The following FREM1 variants were observed in gnomAD, a reference collection of about 807,000 sequenced individuals.
The protein encoded by FREM1 is FRAS1 related extracellular matrix 1, also known as FRAS1-related extracellular matrix protein 1.
A neutral mutation model predicts 210.1 loss-of-function variants in FREM1; 220 were observed. The observed-to-expected ratio is 1.05, with a 90% CI of 0.94 to 1.17. The LOEUF (loss-of-function observed/expected upper bound fraction) is 1.17. Ranked by LOEUF, FREM1 falls within the 50% of genes most tolerant of loss-of-function variation. The pLI, the probability that FREM1 is intolerant of heterozygous loss-of-function variation, is 0.00. For missense variants in FREM1, 3,454 were observed against 2,675.5 expected, an observed-to-expected ratio of 1.29 and a Z score of -6.42; for synonymous variants, 1,189 against 980.2, an observed-to-expected ratio of 1.21 and a Z score of -3.98.
In FREM1 at chr9:14,859,500, G is replaced by A. The variant is rs1378085713; in HGVS notation, c.330-16C>T. On this transcript the variant is annotated splice_polypyrimidine_tract_variant and intron_variant, in intron 3 of 36. Coordinates refer to ENST00000380880, the MANE Select transcript of FREM1 (RefSeq NM_001379081.2). The stretch of plus-strand genomic sequence containing the variant: ...TTCAGTAAATCTGTGGAGAACACAG[G>A]GCAAAAGCAATATTAATTGGTGCTC... The A allele has an allele frequency of 6.9e-6, 11 of 1,596,554 alleles. No individual in the cohort carries two copies. In the East Asian group the frequency reaches 2.2e-4, roughly 32 times the overall value.
chr9:14,768,488 T>C (rs1431304036), intron 27 of FREM1, among the ~76,000 whole-genome samples: 1 of 152,062 alleles, frequency 6.6e-6, no homozygotes, highest in East Asian at 1.9e-4. Context: ...AATCTCGAGA[T>C]TACATTTTAA....
At chr9:14,768,987 A>G (rs1847016839) in intron 27 of FREM1, among the ~76,000 whole-genome samples, 1 of 152,174 alleles carries the variant, frequency 6.6e-6, no homozygotes, top group Non-Finnish European at 1.5e-5. Context: ...AAAACAGCAC[A>G]GTACCAGAAT....
chr9:14,870,979 T>G (rs542773515), intron 1 of FREM1, among the ~76,000 whole-genome samples: 1 of 152,060 alleles, frequency 6.6e-6, no homozygotes, highest in Non-Finnish European at 1.5e-5. Flanking sequence ...ACAAAGGACA[T>G]GAACTCATCA....
chr9:14,839,619 A>G (rs1420920056), intron 10 of FREM1, among the ~76,000 whole-genome samples: 1 of 152,242 alleles, frequency 6.6e-6, no homozygotes, highest in Non-Finnish European at 1.5e-5. Flanking sequence ...TAGTTTGACC[A>G]ATTTGCCCAG....
intron 29 of FREM1, among the ~76,000 whole-genome samples, chr9:14,755,177 C>T (rs930801735): frequency 1.3e-5 from 2 of 152,192 alleles, no homozygotes; most frequent in Non-Finnish European, 2.9e-5. Flanking sequence ...CTGTTTCAAG[C>T]TACCCACTGT....
At chr9:14,854,327 T>A (rs1298451855) in intron 5 of FREM1, among the ~76,000 whole-genome samples, 1 of 152,140 alleles carries the variant, frequency 6.6e-6, no homozygotes, top group African/African-American at 2.4e-5. Flanking sequence ...AAGTTTATAT[T>A]TCCTTATTCA....
At chr9:14,878,311 C>G (rs1456983729) in intron 1 of FREM1, among the ~76,000 whole-genome samples, 2 of 152,104 alleles carry the variant, frequency 1.3e-5, no homozygotes, top group Admixed American at 6.6e-5. Context: ...TCAAACAAAT[C>G]AAGATCCATT....
intron 2 of FREM1, 121 bp from the exon 3 acceptor site, chr9:14,864,024 A>AGT: frequency 1.5e-6 from 1 of 666,922 alleles, no homozygotes. Flanking sequence ...TATGTGTGTG[A>AGT]GTGTGTGTGT....
intron 1 of FREM1, among the ~76,000 whole-genome samples, chr9:14,878,116 T>G (rs752800290): frequency 6.6e-6 from 1 of 152,196 alleles, no homozygotes; most frequent in Non-Finnish European, 1.5e-5. Flanking sequence ...TAAATGTTAC[T>G]TATACCATGT....
chr9:14,740,793 G>T (rs891098687), intron 35 of FREM1, among the ~76,000 whole-genome samples: 1 of 152,172 alleles, frequency 6.6e-6, no homozygotes, highest in African/African-American at 2.4e-5. Context: ...AGAAATTAAA[G>T]TGCTTGTTTT....
intron 27 of FREM1, among the ~76,000 whole-genome samples, chr9:14,761,836 T>C (rs1845551346): frequency 6.6e-6 from 1 of 152,214 alleles, no homozygotes; most frequent in Non-Finnish European, 1.5e-5. Flanking sequence ...TCACAGTGCT[T>C]GTGTTCAAGT....
At chr9:14,844,478 G>C (rs1826248977) in intron 8 of FREM1, among the ~76,000 whole-genome samples, 1 of 152,136 alleles carries the variant, frequency 6.6e-6, no homozygotes, top group Non-Finnish European at 1.5e-5. Context: ...GCCGGTCTCG[G>C]CCTCCCAAAG....
At chr9:14,894,492 A>G (rs748505577) in intron 1 of FREM1, among the ~76,000 whole-genome samples, 1 of 152,240 alleles carries the variant, frequency 6.6e-6, no homozygotes, top group Admixed American at 6.5e-5. Flanking sequence ...CAATTGTCAC[A>G]TTAGAATAGA....
chr9:14,750,553 G>C (rs763048700), intron 29 of FREM1, among the ~76,000 whole-genome samples: 2 of 152,120 alleles, frequency 1.3e-5, no homozygotes, highest in Non-Finnish European at 1.5e-5. Context: ...TATTAGATGA[G>C]ATCCAAGACT....
intron 19 of FREM1, among the ~76,000 whole-genome samples, chr9:14,804,702 T>A (rs1162630407): frequency 1.3e-5 from 2 of 152,152 alleles, no homozygotes; most frequent in Non-Finnish European, 2.9e-5. Context: ...TGGAGGTAGG[T>A]ATCGATGGAA....
intron 1 of FREM1, among the ~76,000 whole-genome samples, chr9:14,899,481 A>G (rs1429046555): frequency 4.6e-5 from 7 of 152,234 alleles, no homozygotes; most frequent in Non-Finnish European, 1.0e-4. Context: ...CTCCATAAAC[A>G]TCACAGGCTG....
At chr9:14,872,166 C>T (rs1338433611) in intron 1 of FREM1, among the ~76,000 whole-genome samples, 1 of 152,082 alleles carries the variant, frequency 6.6e-6, no homozygotes, top group African/African-American at 2.4e-5. Flanking sequence ...TTTTTGGTTC[C>T]ATATGAACTT....
At position 14,842,393 on chromosome 9, in the gene FREM1, T is replaced by G. The variant is rs1350079409; in HGVS notation, c.1661A>C (p.Asp554Ala). The change falls in exon 9 of 37, where the codon GAT becomes GCT. Residue 554 changes from aspartate (D) to alanine (A), a missense_variant. Coordinates refer to ENST00000380880, the MANE Select transcript of FREM1 (RefSeq NM_001379081.2). Reference protein sequence around the residue: ...MLRASDVDASDDYIFFNITKP... With the variant: ...MLRASDVDASADYIFFNITKP... ...TGTGATATTGAAGAAGATGTAGTCA[T>G]CACTGGCGTCCACATCTGAAGCTCG... 1 of 1,613,610 alleles carries G rather than the reference T, an allele frequency of 6.2e-7. No homozygotes were observed. The highest frequency in any genetic ancestry group is 1.7e-5 in the Admixed American group (1 of 60,024).
chr9:14,765,664 G>A (rs917171249), intron 27 of FREM1, among the ~76,000 whole-genome samples: 2 of 152,106 alleles, frequency 1.3e-5, no homozygotes, highest in African/African-American at 4.8e-5. Context: ...GCTAAACATT[G>A]CAACGTTTGC....
Sources: gnomAD v4.1 joint callset for allele counts (sites outside exome capture counted in the v4.1 genomes callset) on GRCh38, gnomAD v4.1.1 for gene constraint, MANE v1.5 for transcripts, NCBI Gene and HGNC (gene_info 2026-07-23, HGNC 2026-07-21) for gene names.